The following ZNF469 variants were observed in gnomAD, a reference collection of about 807,000 sequenced individuals.
ZNF469 encodes the protein zinc finger protein 469.
In ZNF469, 1 loss-of-function variant was observed where a neutral mutation model predicts 1.0. The ratio of observed to expected loss-of-function variants is 1.00; its 90% CI spans 0.35 to 4.73. The LOEUF is 4.73. Ranked by LOEUF, ZNF469 falls within the 30% of genes most tolerant of loss-of-function variation. The pLI is 0.16. For synonymous variants in ZNF469, 2,703 were observed against 2,363.4 expected, an observed-to-expected ratio of 1.14 and a Z score of -4.17; for missense variants, 6,100 against 5,356.3, an observed-to-expected ratio of 1.14 and a Z score of -4.33.
At chr16:88,319,571 C>G in the ZNF469 span, among the ~76,000 whole-genome samples, 1 of 152,176 alleles carries the variant, frequency 6.6e-6, no homozygotes. Flanking sequence ...AGCAGCGGGG[C>G]CACTCCCCAG....
At chr16:88,257,906 C>G in the ZNF469 span, among the ~76,000 whole-genome samples, 1 of 152,190 alleles carries the variant, frequency 6.6e-6, no homozygotes, top group African/African-American at 2.4e-5. Flanking sequence ...CTTTTCCCCT[C>G]TCACTTCCTT....
chr16:88,109,482 C>T, the ZNF469 span, among the ~76,000 whole-genome samples: 7 of 151,932 alleles, frequency 4.6e-5, no homozygotes, highest in Non-Finnish European at 1.0e-4. Context: ...CACGCTGTCT[C>T]CTCTCCAGGA....
the ZNF469 span, among the ~76,000 whole-genome samples, chr16:88,266,225 G>A: frequency 6.6e-6 from 1 of 152,278 alleles, no homozygotes; most frequent in Non-Finnish European, 1.5e-5. Flanking sequence ...GCCACTGGGA[G>A]GCCGGGTTCA....
At chr16:88,163,487 AGGATGGATGAAT>A in the ZNF469 span, among the ~76,000 whole-genome samples, 118 of 139,098 alleles carry the variant, frequency 8.5e-4, 2 homozygotes, top group Middle Eastern at 0.012. Flanking sequence ...TGGACAGAGA[AGGATGGATGAAT>A]GGATGGATGG....
chr16:88,141,242 C>G, the ZNF469 span, among the ~76,000 whole-genome samples: 3 of 152,216 alleles, frequency 2.0e-5, no homozygotes, highest in Non-Finnish European at 4.4e-5. Context: ...CCAAAAAGGA[C>G]AAGATGGACG....
the ZNF469 span, among the ~76,000 whole-genome samples, chr16:88,206,811 T>G: frequency 1.4e-5 from 1 of 71,856 alleles, no homozygotes; most frequent in African/African-American, 5.7e-5. Context: ...GGGGAGGCCG[T>G]GGGGACGGAG....
At chr16:88,382,595 C>A (rs1439833276), upstream of ZNF469, among the ~76,000 whole-genome samples, 1 of 152,234 alleles carries the variant, frequency 6.6e-6, no homozygotes, top group Non-Finnish European at 1.5e-5. Flanking sequence ...GTCGGGACAT[C>A]CCCCACCTCC....
chr16:88,136,291 C>T, the ZNF469 span, among the ~76,000 whole-genome samples: 7 of 152,222 alleles, frequency 4.6e-5, no homozygotes, highest in Non-Finnish European at 7.3e-5. Context: ...CCATCTGGCC[C>T]GCCCTACAGG....
At chr16:88,142,749 C>A in the ZNF469 span, among the ~76,000 whole-genome samples, 1 of 152,098 alleles carries the variant, frequency 6.6e-6, no homozygotes, top group South Asian at 2.1e-4. Flanking sequence ...GGGAGTCGGC[C>A]GGCAGCAGCT....
At position 88,402,558 on chromosome 16, in the gene ZNF469, C is replaced by T. The variant is rs140498578; in HGVS notation, c.-192+19304C>T. 5.1e-3 allele frequency among the ~76,000 whole-genome samples: 780 copies of T among 152,214 alleles called. 2 individuals are homozygous for T. The highest frequency in any genetic ancestry group is 9.3e-3 in the Non-Finnish European group (634 of 67,992). The stretch of plus-strand genomic sequence containing the variant: ...TGTGTCCCTGCAGGGGCCTCAGTTT[C>T]CCTCTGTGAGTAGAGACTTTCCCAG... On this transcript the variant is annotated intron_variant, in intron 1 of 2. Coordinates refer to ENST00000565624, the MANE Select transcript of ZNF469 (RefSeq NM_001367624.2).
intron 1 of ZNF469, among the ~76,000 whole-genome samples, chr16:88,396,959 A>AAGGGAGGCCGGGAGGAGACCCTCC (rs1904697033): frequency 4.0e-5 from 2 of 49,602 alleles, no homozygotes; most frequent in South Asian, 6.6e-4. Context: ...GGAGACCCTC[A>AAGGGAGGCCGGGAGGAGACCCTCC]TGAAGGGAGG....
At chr16:88,337,252 G>T in the ZNF469 span, among the ~76,000 whole-genome samples, 1 of 152,148 alleles carries the variant, frequency 6.6e-6, no homozygotes, top group Non-Finnish European at 1.5e-5. Context: ...ACTGAATCAT[G>T]GGGGCGGGCC....
chr16:88,149,812 C>T, the ZNF469 span, among the ~76,000 whole-genome samples: 1 of 152,174 alleles, frequency 6.6e-6, no homozygotes, highest in African/African-American at 2.4e-5. Flanking sequence ...CCTCAGAAAA[C>T]AGGCTGAGGA....
the ZNF469 span, among the ~76,000 whole-genome samples, chr16:88,376,576 G>A: frequency 6.6e-6 from 1 of 152,224 alleles, no homozygotes; most frequent in East Asian, 1.9e-4. Flanking sequence ...GCGGCCGGCC[G>A]GTCTCCACCG....
chr16:88,429,351 C>T lies in ZNF469; in HGVS notation c.1881C>T (p.Gly627=), dbSNP rs1360097762. 4 of 1,549,664 alleles carry T rather than the reference C, an allele frequency of 2.6e-6. No individual in the cohort carries two copies. The African/African-American group carries it at 4.1e-5, about 16-fold the overall frequency. Residue 627 remains glycine, a synonymous_variant, in exon 3 of 3, where the codon GGC becomes GGT. Transcript: ENST00000565624. ...NPSSEESQLP[G]PLGPSAFFHP... The stretch of plus-strand genomic sequence containing the variant: ...GCTCAGAGGAAAGCCAGCTCCCCGG[C>T]CCCCTCGGGCCCTCGGCCTTCTTCC...
chr16:88,329,315 G>T, the ZNF469 span, among the ~76,000 whole-genome samples: 4 of 152,242 alleles, frequency 2.6e-5, no homozygotes, highest in Admixed American at 6.5e-5. Flanking sequence ...GGAAAGGCCT[G>T]GGTTAGTATT....
At chr16:88,129,524 T>C in the ZNF469 span, among the ~76,000 whole-genome samples, 2 of 152,230 alleles carry the variant, frequency 1.3e-5, no homozygotes, top group East Asian at 1.9e-4. Flanking sequence ...TTCAACACAG[T>C]ACTTGGAATT....
rs1368549841 is a variant in ZNF469 at position 88,430,458 on chromosome 16, C to G, written c.2988C>G (p.Arg996=). ...AGCGGCCCCCACCCCGTCCCCGGCG[C>G]CCTAGAACGCAGGCCCCCGGGAGCC... is the stretch of plus-strand genomic sequence containing the variant. ...LGERPPPRPR[R]PRTQAPGSRA... The change falls in exon 3 of 3, where the codon CGC becomes CGG. Residue 996 remains arginine (R), a synonymous_variant. Transcript: ENST00000565624. 6.7e-7 allele frequency: 1 copy of G among 1,481,842 alleles called. No individual in the cohort carries two copies. Among genetic ancestry groups the G allele is most frequent in the South Asian group, 1.3e-5 (1 of 77,224 alleles). The allele number at this position is 1,481,842 out of a possible 1,614,324, so 91.8% of individuals were successfully genotyped here. A position where few individuals can be genotyped will look rare whatever the true frequency, so the allele number is the denominator to read the frequency against.
chr16:88,345,615 T>A, the ZNF469 span, among the ~76,000 whole-genome samples: 61,289 of 151,890 alleles, frequency 0.4, 12,746 homozygotes, highest in African/African-American at 0.51. Context: ...CTGTCCCCTC[T>A]GCCCGTGGGG....
Sources: gnomAD v4.1 joint callset for allele counts (sites outside exome capture counted in the v4.1 genomes callset) on GRCh38, gnomAD v4.1.1 for gene constraint, MANE v1.5 for transcripts, NCBI Gene and HGNC (gene_info 2026-07-23, HGNC 2026-07-21) for gene names.